CTTNBP2NL: variants seen among roughly 807,000 people sequenced by gnomAD.
The protein encoded by CTTNBP2NL is CTTNBP2 N-terminal-like protein.
A neutral mutation model predicts 32.5 loss-of-function variants in CTTNBP2NL; 16 were observed. That is an observed-to-expected ratio of 0.49 (90% CI 0.33 to 0.75). The LOEUF (loss-of-function observed/expected upper bound fraction) is 0.75. CTTNBP2NL is among the 30% of genes least tolerant of loss of function. The pLI is 0.02. For synonymous variants in CTTNBP2NL, 298 were observed against 289.4 expected (o/e 1.03, Z -0.30); for missense variants, 645 against 756.0 (o/e 0.85, Z 1.72).
chr1:112,412,177 T>G lies in CTTNBP2NL; in HGVS notation c.-133-17T>G, dbSNP rs958938527. 1 of 152,208 alleles carries G rather than the reference T, an allele frequency of 6.6e-6. No homozygotes were observed. The highest frequency in any genetic ancestry group is 2.4e-5 in the African/African-American group (1 of 41,452). 9.4% of individuals were successfully genotyped at this position (152,208 alleles called of 1,614,324 possible). A position where few individuals can be genotyped will look rare whatever the true frequency, so the allele number is the denominator to read the frequency against. On this transcript the variant is annotated splice_polypyrimidine_tract_variant and intron_variant, in intron 1 of 5. Transcript: ENST00000271277. The stretch of plus-strand genomic sequence containing the variant: ...TAGTATAATCACATGAACAATAAAT[T>G]TCTCCTTATTTTGCAGCATTGGACA...
intron 4 of CTTNBP2NL, among the ~76,000 whole-genome samples, chr1:112,453,376 C>T (rs1650277115): frequency 6.6e-6 from 1 of 152,160 alleles, no homozygotes; most frequent in Non-Finnish European, 1.5e-5. Context: ...GGCCAAGGCA[C>T]TTCTGAAGCA....
intron 1 of CTTNBP2NL, among the ~76,000 whole-genome samples, chr1:112,402,562 A>G (rs745483784): frequency 3.3e-5 from 5 of 152,208 alleles, no homozygotes; most frequent in Non-Finnish European, 5.9e-5. Flanking sequence ...AAAAAGAAAG[A>G]AGCACAAACT....
At chr1:112,394,205 TAAA>T (rs60528857), upstream of CTTNBP2NL, among the ~76,000 whole-genome samples, 7 of 73,294 alleles carry the variant, frequency 9.6e-5, no homozygotes, top group Admixed American at 1.6e-4. Context: ...TCCATCTCGA[TAAA>T]AAAAAAAAAA....
At chr1:112,396,353 A>T (rs1413394846) in intron 1 of CTTNBP2NL, 81 bp downstream of exon 1, 2 of 152,316 alleles carry the variant, frequency 1.3e-5, no homozygotes, top group East Asian at 3.9e-4. Context: ...GGGCACCGGT[A>T]GCCTCCCGCC....
At chr1:112,443,901 T>C (rs1570740935) in intron 3 of CTTNBP2NL, among the ~76,000 whole-genome samples, 1 of 152,340 alleles carries the variant, frequency 6.6e-6, no homozygotes. Flanking sequence ...CTACTTATAG[T>C]TTATCTATAG....
chr1:112,396,143 GAGA>G (rs1474446848), upstream of CTTNBP2NL: 2 of 152,320 alleles, frequency 1.3e-5, no homozygotes, highest in Non-Finnish European at 1.5e-5. Flanking sequence ...GCCGAGGCTG[GAGA>G]AGCAAGGAGG....
intron 3 of CTTNBP2NL, among the ~76,000 whole-genome samples, chr1:112,434,429 A>T (rs1405389254): frequency 1.3e-5 from 2 of 152,272 alleles, no homozygotes; most frequent in South Asian, 4.1e-4. Flanking sequence ...ATCAGGTGCT[A>T]AAACCTGTTG....
At chr1:112,446,547 G>A (rs556061450) in intron 3 of CTTNBP2NL, among the ~76,000 whole-genome samples, 1 of 152,194 alleles carries the variant, frequency 6.6e-6, no homozygotes, top group South Asian at 2.1e-4. Context: ...CTTTCAGTAT[G>A]TTTTATTTAT....
At chr1:112,416,408 A>G in intron 3 of CTTNBP2NL, 144 bp downstream of exon 3, 1 of 562,930 alleles carries the variant, frequency 1.8e-6, no homozygotes, top group Non-Finnish European at 3.1e-6. Context: ...GTAGCCACCT[A>G]CATTGTGTGT....
intron 3 of CTTNBP2NL, among the ~76,000 whole-genome samples, chr1:112,435,004 A>G (rs1649687155): frequency 6.6e-6 from 1 of 151,912 alleles, no homozygotes; most frequent in Non-Finnish European, 1.5e-5. Context: ...TTAGCCACAC[A>G]TGGTGGCACG....
At chr1:112,443,295 C>T (rs2101025913) in intron 3 of CTTNBP2NL, among the ~76,000 whole-genome samples, 2 of 152,290 alleles carry the variant, frequency 1.3e-5, no homozygotes, top group Middle Eastern at 6.8e-3. Context: ...CTCACTGCAA[C>T]CTTTCCCTCC....
intron 3 of CTTNBP2NL, among the ~76,000 whole-genome samples, chr1:112,433,919 A>G (rs1381093873): frequency 6.9e-6 from 1 of 145,002 alleles, no homozygotes; most frequent in Non-Finnish European, 1.5e-5. Context: ...TTTTTTTTTT[A>G]AAGAGACGGG....
chr1:112,455,893 A>AG (rs748491777), intron 5 of CTTNBP2NL, 38 bp from the exon 6 acceptor site: 2 of 1,465,666 alleles, frequency 1.4e-6, no homozygotes, highest in Non-Finnish European at 1.9e-6. Flanking sequence ...ACTTGATCAC[A>AG]GTTTGTCAGT....
chr1:112,398,413 T>C lies in CTTNBP2NL; in HGVS notation c.-134+2141T>C, dbSNP rs140437254. Among the ~76,000 whole-genome samples the C allele has an allele frequency of 7.0e-3, 1,066 of 152,312 alleles. 10 individuals carry two copies. The highest frequency in any genetic ancestry group is 0.025 in the African/African-American group (1,022 of 41,568). The stretch of plus-strand genomic sequence containing the variant: ...AGGGCAGATAGTAGTATTTTTTGTT[T>C]TTCATCTTTATATCTTTCACAGTTC... On this transcript the variant is annotated intron_variant, in intron 1 of 5. Coordinates refer to ENST00000271277, the MANE Select transcript of CTTNBP2NL (RefSeq NM_018704.3).
chr1:112,450,392 A>G (rs1650181142), intron 4 of CTTNBP2NL, among the ~76,000 whole-genome samples: 1 of 152,244 alleles, frequency 6.6e-6, no homozygotes, highest in Non-Finnish European at 1.5e-5. Context: ...CCAAGACCCA[A>G]AAATGTTTAA....
At chr1:112,407,875 C>T (rs1490321539) in intron 1 of CTTNBP2NL, among the ~76,000 whole-genome samples, 4 of 106,204 alleles carry the variant, frequency 3.8e-5, no homozygotes, top group Non-Finnish European at 7.1e-5. Flanking sequence ...GGCAGGGTCT[C>T]GCTGTATTGC....
intron 1 of CTTNBP2NL, among the ~76,000 whole-genome samples, chr1:112,399,549 G>A (rs1392474384): frequency 1.3e-5 from 2 of 152,078 alleles, no homozygotes; most frequent in South Asian, 2.1e-4. Flanking sequence ...TTGTATCTTG[G>A]CAGAATCACA....
At position 112,446,660 on chromosome 1, in the gene CTTNBP2NL, C is replaced by T. The variant is rs148967563; in HGVS notation, c.100-2282C>T. Among the ~76,000 whole-genome samples, 938 of 152,318 alleles carry T rather than the reference C, an allele frequency of 6.2e-3. 9 individuals carry two copies. The highest frequency in any genetic ancestry group is 0.022 in the African/African-American group (895 of 41,570). ...CTAGATCCTAGGCTCAACCAATCCT[C>T]CTGCTTCAGCCTCCCAAGTAGCTGG... On this transcript the variant is annotated intron_variant, in intron 3 of 5. Transcript: ENST00000271277.
intron 3 of CTTNBP2NL, among the ~76,000 whole-genome samples, chr1:112,421,074 A>G (rs984001680): frequency 2.6e-5 from 4 of 152,134 alleles, no homozygotes; most frequent in African/African-American, 9.7e-5. Flanking sequence ...ACTGTTGGTT[A>G]TTATTATTAG....
Sources: gnomAD v4.1 joint callset for allele counts (sites outside exome capture counted in the v4.1 genomes callset) on GRCh38, gnomAD v4.1.1 for gene constraint, MANE v1.5 for transcripts, NCBI Gene and HGNC (gene_info 2026-07-23, HGNC 2026-07-21) for gene names.